LRFN5: variants seen among roughly 807,000 people sequenced by gnomAD.
The protein encoded by LRFN5 is leucine rich repeat and fibronectin type III domain containing 5.
LRFN5 carries 24 observed loss-of-function variants against 45.6 expected under a neutral mutation model. The ratio of observed to expected loss-of-function variants is 0.53; its 90% confidence interval spans 0.38 to 0.74. The LOEUF is 0.74. Among genes scored for constraint, LRFN5 ranks in the 30% least tolerant of loss-of-function variants. The pLI, the probability that LRFN5 is intolerant of heterozygous loss-of-function variation, is 0.00. For synonymous variants in LRFN5, 340 were observed against 313.8 expected, an observed-to-expected ratio of 1.08 and a Z score of -0.88; for missense variants, 776 against 861.5, an observed-to-expected ratio of 0.90 and a Z score of 1.24.
chr14:41,750,065 T>C (rs1885067308), intron 1 of LRFN5, among the ~76,000 whole-genome samples: 1 of 152,158 alleles, frequency 6.6e-6, no homozygotes, highest in South Asian at 2.1e-4. Flanking sequence ...CATTTTGATA[T>C]GATGAGATAA....
At chr14:41,875,296 G>A (rs767762886) in intron 2 of LRFN5, among the ~76,000 whole-genome samples, 7 of 152,176 alleles carry the variant, frequency 4.6e-5, no homozygotes, top group South Asian at 2.1e-4. Context: ...TGCCACCTGC[G>A]CCAGCTGACT....
At chr14:41,754,735 T>G (rs1176838804) in intron 1 of LRFN5, among the ~76,000 whole-genome samples, 2 of 152,208 alleles carry the variant, frequency 1.3e-5, no homozygotes, top group Non-Finnish European at 2.9e-5. Context: ...TTCATTGATT[T>G]TTGAAGCGTT....
intron 2 of LRFN5, among the ~76,000 whole-genome samples, chr14:41,833,609 A>G (rs1888559270): frequency 6.6e-6 from 1 of 152,180 alleles, no homozygotes; most frequent in African/African-American, 2.4e-5. Context: ...GTGATGTTTT[A>G]ATGCTACAGC....
chr14:41,861,702 A>T (rs4904914), intron 2 of LRFN5, among the ~76,000 whole-genome samples: 112,681 of 152,052 alleles, frequency 0.74, 42,327 homozygotes, highest in East Asian at 0.97. Flanking sequence ...CTCATGTGAG[A>T]TACGTTAATT....
intron 1 of LRFN5, among the ~76,000 whole-genome samples, chr14:41,718,887 TAGAA>T (rs150472336): frequency 0.045 from 6,803 of 152,220 alleles, 330 homozygotes; most frequent in African/African-American, 0.12. Context: ...TTTTCATAGT[TAGAA>T]AGAGGCATTT....
rs764286054 is a variant in LRFN5, at chr14:41,886,598, C to T, written c.-20-8C>T. 26 of 1,508,294 alleles carry T rather than the reference C, an allele frequency of 1.7e-5. No individual in the cohort carries two copies. Among genetic ancestry groups the T allele is most frequent in the African/African-American group, 8.4e-5 (6 of 71,344 alleles). 93.4% of individuals were successfully genotyped at this position (1,508,294 alleles called of 1,614,324 possible). A position where few individuals can be genotyped will look rare whatever the true frequency, so the allele number is the denominator to read the frequency against. The stretch of plus-strand genomic sequence containing the variant: ...TGCTAACATTCTATTTTGTGTCTTC[C>T]GTTACAGGCTCTTAAACCTGATCTA... On this transcript the variant is annotated splice_region_variant and splice_polypyrimidine_tract_variant and intron_variant, in intron 2 of 5. Transcript: ENST00000298119.
At chr14:41,832,483 C>G (rs1227820811) in intron 2 of LRFN5, among the ~76,000 whole-genome samples, 1 of 152,068 alleles carries the variant, frequency 6.6e-6, no homozygotes, top group African/African-American at 2.4e-5. Context: ...AAATATTCCT[C>G]CCTTCGGAAC....
intron 1 of LRFN5, among the ~76,000 whole-genome samples, chr14:41,681,087 A>T (rs2138685090): frequency 6.6e-6 from 1 of 152,230 alleles, no homozygotes; most frequent in South Asian, 2.1e-4. Context: ...AGAGGAAAGA[A>T]AAATAATTAA....
intron 2 of LRFN5, among the ~76,000 whole-genome samples, chr14:41,817,388 G>A (rs1375536404): frequency 6.6e-6 from 1 of 152,026 alleles, no homozygotes; most frequent in East Asian, 1.9e-4. Flanking sequence ...GAAATGCTAT[G>A]AATAGACTGT....
rs188765862 is a variant in LRFN5 at position 41,832,338 on chromosome 14, C to T, written c.-20-54268C>T. The stretch of plus-strand genomic sequence containing the variant: ...AAGTAGTAAGAGGTTCCCAAGAGTT[C>T]CCCCCATTTCCAGAATACCTTTTAT... On this transcript the variant is annotated intron_variant, in intron 2 of 5. Coordinates refer to ENST00000298119, the MANE Select transcript of LRFN5 (RefSeq NM_152447.5). 5.5e-3 allele frequency among the ~76,000 whole-genome samples: 830 copies of T among 152,202 alleles called. 7 individuals are homozygous for T. The highest frequency in any genetic ancestry group is 8.1e-3 in the Non-Finnish European group (549 of 67,988).
At chr14:41,893,626 C>T (rs974216873) in intron 4 of LRFN5, 40 of 985,160 alleles carry the variant, frequency 4.1e-5, no homozygotes, top group Admixed American at 6.2e-5. Flanking sequence ...CTGGTAGAAG[C>T]ATATACAACA....
chr14:41,834,384 A>G (rs1313516943), intron 2 of LRFN5, among the ~76,000 whole-genome samples: 1 of 152,128 alleles, frequency 6.6e-6, no homozygotes, highest in Non-Finnish European at 1.5e-5. Flanking sequence ...TTAGAGCTAA[A>G]CTCAAGGCTC....
chr14:41,822,322 G>T (rs926441380), intron 2 of LRFN5, among the ~76,000 whole-genome samples: 5 of 151,722 alleles, frequency 3.3e-5, no homozygotes, highest in Admixed American at 6.6e-5. Context: ...CACTGTTTTT[G>T]CCATACCCCA....
chr14:41,668,927 G>A lies in LRFN5; in HGVS notation c.-197+60365G>A, dbSNP rs900380704. 2.6e-5 allele frequency among the ~76,000 whole-genome samples: 4 copies of A among 151,990 alleles called. No individual in the cohort carries two copies. In the East Asian group the frequency reaches 5.8e-4, roughly 22 times the overall value. On this transcript the variant is annotated intron_variant, in intron 1 of 5. Coordinates refer to ENST00000298119, the MANE Select transcript of LRFN5 (RefSeq NM_152447.5). ...ATTCGATTTATATATAAATATAAAT[G>A]TGCATGCACATACACCTTGGTAATT...
chr14:41,841,719 A>G (rs935305645), intron 2 of LRFN5, among the ~76,000 whole-genome samples: 2 of 151,838 alleles, frequency 1.3e-5, no homozygotes, highest in Admixed American at 6.6e-5. Flanking sequence ...TTTTATGAGT[A>G]TACTAAGTGT....
rs562675456 is a variant in LRFN5 at position 41,682,144 on chromosome 14, G to T, written c.-197+73582G>T. Among the ~76,000 whole-genome samples, 45 of 151,984 alleles carry T rather than the reference G, an allele frequency of 3.0e-4. No homozygotes were observed. In the South Asian group the frequency reaches 8.5e-3, roughly 29 times the overall value. On this transcript the variant is annotated intron_variant, in intron 1 of 5. Coordinates refer to ENST00000298119, the MANE Select transcript of LRFN5 (RefSeq NM_152447.5). The stretch of plus-strand genomic sequence containing the variant: ...AACCTACTCTTATCATAAGTAAAAA[G>T]ACTAACCAATGAACCAATAAAAAAT...
chr14:41,847,425 C>A (rs928175098), intron 2 of LRFN5, among the ~76,000 whole-genome samples: 2 of 152,044 alleles, frequency 1.3e-5, no homozygotes, highest in African/African-American at 4.8e-5. Flanking sequence ...TCAAAAATAT[C>A]CTGAAAAAGT....
chr14:41,768,430 G>A (rs574128057), intron 2 of LRFN5, among the ~76,000 whole-genome samples: 1 of 152,158 alleles, frequency 6.6e-6, no homozygotes, highest in East Asian at 1.9e-4. Context: ...TGATTTTAGT[G>A]TAGGTTTCTT....
At chr14:41,695,459 A>C (rs1029512571) in intron 1 of LRFN5, among the ~76,000 whole-genome samples, 1 of 151,956 alleles carries the variant, frequency 6.6e-6, no homozygotes, top group African/African-American at 2.4e-5. Flanking sequence ...GGACTTTCAT[A>C]GCTAAAGAGG....
Sources: allele counts gnomAD v4.1 joint callset (sites outside exome capture counted in the v4.1 genomes callset), GRCh38; gene constraint gnomAD v4.1.1; transcripts MANE v1.5; gene names NCBI Gene and HGNC (gene_info 2026-07-23, HGNC 2026-07-21).